Variants in CNTNAP3B observed in about 807,000 individuals in gnomAD.
CNTNAP3B encodes contactin associated protein family member 3B.
CNTNAP3B carries 25 observed loss-of-function variants against 108.9 expected under a neutral mutation model. That is an observed-to-expected ratio of 0.23 (90% CI 0.17 to 0.32). The LOEUF (loss-of-function observed/expected upper bound fraction) is 0.32, where lower values mean the gene tolerates loss of function less well. Ranked by LOEUF, CNTNAP3B falls within the 10% of genes least tolerant of loss-of-function variation. The pLI is 1.00. For synonymous variants in CNTNAP3B, 103 were observed against 473.4 expected (o/e 0.22, Z 10.16); for missense variants, 252 against 1,210.4 (o/e 0.21, Z 11.75).
rs1202024456 is a variant in CNTNAP3B, at chr9:42,095,168, T to C, written c.196+9461A>G. Among the ~76,000 whole-genome samples, 2 of 135,802 alleles carry C rather than the reference T, an allele frequency of 1.5e-5. 1 individual carries two copies. The highest frequency in any genetic ancestry group is 4.4e-4 in the East Asian group (2 of 4,576). The allele number at this position is 135,802 out of a possible 152,430, so 89.1% of individuals were successfully genotyped here. ...GTACCTACTGACCAACATCTCCCCC[T>C]TCCCTATCCACCTTCTCCTCTAGCG... On this transcript the variant is annotated intron_variant, in intron 2 of 23. Coordinates refer to ENST00000377561, the MANE Select transcript of CNTNAP3B (RefSeq NM_001201380.3).
rs1178433261 is a variant in CNTNAP3B, at chr9:42,120,462, C to T, written c.85+8548G>A. 1.5e-5 allele frequency among the ~76,000 whole-genome samples: 2 copies of T among 137,832 alleles called. 1 individual carries two copies. The highest frequency in any genetic ancestry group is 5.8e-5 in the African/African-American group (2 of 34,446). 90.4% of individuals were successfully genotyped at this position (137,832 alleles called of 152,430 possible). A position where few individuals can be genotyped will look rare whatever the true frequency, so the allele number is the denominator to read the frequency against. Reference sequence around the variant, plus strand: ...TAGAAATACCATTTGACCCAGCCATCCCATTACTGGGTATATACCCAAAGG... The same window carrying T: ...TAGAAATACCATTTGACCCAGCCATTCCATTACTGGGTATATACCCAAAGG... On this transcript the variant is annotated intron_variant, in intron 1 of 23. Coordinates refer to ENST00000377561, the MANE Select transcript of CNTNAP3B (RefSeq NM_001201380.3).
chr9:42,046,884 G>T (rs1163196575), intron 3 of CNTNAP3B, among the ~76,000 whole-genome samples: 1 of 88,530 alleles, frequency 1.1e-5, no homozygotes, highest in East Asian at 6.4e-4. Context: ...TAGAAGAGTT[G>T]TGTCTGGTCC....
At chr9:41,940,683 C>G (rs1258341537) in intron 13 of CNTNAP3B, among the ~76,000 whole-genome samples, 1 of 152,116 alleles carries the variant, frequency 6.6e-6, no homozygotes, top group Non-Finnish European at 1.5e-5. Flanking sequence ...AGCGTAGCGG[C>G]GGGAGCCTGT....
At chr9:41,955,963 T>C (rs1463592040) in intron 12 of CNTNAP3B, among the ~76,000 whole-genome samples, 1 of 152,242 alleles carries the variant, frequency 6.6e-6, no homozygotes, top group Non-Finnish European at 1.5e-5. Context: ...CTAACTTAAA[T>C]GTGCTCAGAA....
At chr9:42,001,889 T>C in intron 4 of CNTNAP3B, among the ~76,000 whole-genome samples, 1 of 128,468 alleles carries the variant, frequency 7.8e-6, no homozygotes, top group East Asian at 2.4e-4. Flanking sequence ...GAGTATATAC[T>C]GTGTGGGCTT....
chr9:42,020,675 C>T (rs1303916580), intron 3 of CNTNAP3B, among the ~76,000 whole-genome samples: 2 of 146,818 alleles, frequency 1.4e-5, no homozygotes, highest in African/African-American at 5.2e-5. Context: ...AAGATCTGCA[C>T]CTTTAACCCT....
intron 3 of CNTNAP3B, among the ~76,000 whole-genome samples, chr9:42,041,526 A>G (rs1418006243): frequency 6.9e-6 from 1 of 143,982 alleles, no homozygotes; most frequent in Non-Finnish European, 1.5e-5. Flanking sequence ...TGCAAATCAA[A>G]ACCACAATGA....
intron 13 of CNTNAP3B, among the ~76,000 whole-genome samples, chr9:41,939,351 C>T (rs1398962547): frequency 8.5e-5 from 13 of 152,330 alleles, no homozygotes; most frequent in Admixed American, 8.5e-4. Flanking sequence ...TTTCAAATTT[C>T]AATAGGTTGT....
At chr9:41,933,439 T>G (rs1342519564) in intron 14 of CNTNAP3B, among the ~76,000 whole-genome samples, 2 of 150,720 alleles carry the variant, frequency 1.3e-5, no homozygotes, top group African/African-American at 2.5e-5. Context: ...TCAATCCATT[T>G]ATTTGGCTGT....
At chr9:41,943,568 G>T (rs538838104) in intron 13 of CNTNAP3B, among the ~76,000 whole-genome samples, 58 of 151,586 alleles carry the variant, frequency 3.8e-4, no homozygotes, top group African/African-American at 1.4e-3. Flanking sequence ...TAGCCAGGAT[G>T]GTCTGGATCT....
intron 13 of CNTNAP3B, among the ~76,000 whole-genome samples, chr9:41,951,859 C>T (rs1399350458): frequency 6.6e-6 from 1 of 152,208 alleles, no homozygotes; most frequent in Non-Finnish European, 1.5e-5. Context: ...GGCGGATCAC[C>T]TGAGGTCAGG....
At chr9:41,935,114 A>T (rs1406102542) in intron 14 of CNTNAP3B, among the ~76,000 whole-genome samples, 3 of 152,290 alleles carry the variant, frequency 2.0e-5, no homozygotes, top group African/African-American at 7.2e-5. Context: ...CTTGCAGCAT[A>T]GTTCAATATT....
intron 3 of CNTNAP3B, among the ~76,000 whole-genome samples, chr9:42,030,801 GA>G (rs1826506354): frequency 1.1e-5 from 1 of 93,282 alleles, no homozygotes; most frequent in African/African-American, 4.6e-5. Context: ...GCGAGAGAGA[GA>G]GAGAGAGAGA....
At chr9:41,940,154 A>C (rs1308186193) in intron 13 of CNTNAP3B, among the ~76,000 whole-genome samples, 1 of 152,298 alleles carries the variant, frequency 6.6e-6, no homozygotes, top group East Asian at 1.9e-4. Context: ...GAATCTCAAA[A>C]AGAGAGAACA....
chr9:41,940,708 A>G (rs1265008796), intron 13 of CNTNAP3B, among the ~76,000 whole-genome samples: 3 of 152,104 alleles, frequency 2.0e-5, no homozygotes, highest in African/African-American at 2.4e-5. Context: ...CCAGCTACTC[A>G]GGAGGCTGAG....
intron 13 of CNTNAP3B, among the ~76,000 whole-genome samples, chr9:41,944,671 G>A (rs1254237409): frequency 3.6e-4 from 54 of 151,594 alleles, no homozygotes; most frequent in Non-Finnish European, 5.9e-4. Flanking sequence ...TTACAATATG[G>A]CAAATATTAA....
At chr9:41,921,074 C>T (rs1338134854) in intron 17 of CNTNAP3B, among the ~76,000 whole-genome samples, 2 of 152,296 alleles carry the variant, frequency 1.3e-5, no homozygotes, top group Non-Finnish European at 2.9e-5. Flanking sequence ...CAGTTTTTAG[C>T]CTCCTCCCAG....
chr9:41,931,128 T>C (rs1823966020), intron 14 of CNTNAP3B, among the ~76,000 whole-genome samples: 1 of 152,414 alleles, frequency 6.6e-6, no homozygotes, highest in African/African-American at 2.4e-5. Flanking sequence ...ATCACAATAA[T>C]TGATATTTCA....
intron 14 of CNTNAP3B, among the ~76,000 whole-genome samples, chr9:41,934,104 T>TATATATATACAC (rs1824068478): frequency 7.5e-6 from 1 of 132,738 alleles, no homozygotes; most frequent in African/African-American, 3.0e-5. Context: ...TTGTTACATA[T>TATATATATACAC]ATATATATAT....
Sources: gnomAD v4.1 joint callset for allele counts (sites outside exome capture counted in the v4.1 genomes callset) on GRCh38, gnomAD v4.1.1 for gene constraint, MANE v1.5 for transcripts, NCBI Gene and HGNC (gene_info 2026-07-23, HGNC 2026-07-21) for gene names.